The following ARID4B variants were observed in gnomAD, a reference collection of about 807,000 sequenced individuals.
ARID4B encodes the protein AT-rich interactive domain-containing protein 4B.
Under a neutral mutation model 147.5 loss-of-function variants are expected in ARID4B, and 26 were observed. That is an observed-to-expected ratio of 0.18 (90% CI 0.13 to 0.24). ARID4B has a LOEUF of 0.24. ARID4B is among the 10% of genes least tolerant of loss of function. ARID4B has a pLI of 1.00. For missense variants in ARID4B, 1,179 were observed against 1,511.5 expected, an observed-to-expected ratio of 0.78 and a Z score of 3.65; for synonymous variants, 512 against 507.9, an observed-to-expected ratio of 1.01 and a Z score of -0.11.
intron 2 of ARID4B, among the ~76,000 whole-genome samples, chr1:235,309,838 C>A (rs1316329109): frequency 6.6e-6 from 1 of 152,212 alleles, no homozygotes; most frequent in Non-Finnish European, 1.5e-5. Flanking sequence ...AAGAAAAATT[C>A]TTCGGCCTTG....
chr1:235,264,150 A>C (rs1334998508), intron 2 of ARID4B, among the ~76,000 whole-genome samples: 1 of 152,214 alleles, frequency 6.6e-6, no homozygotes, highest in East Asian at 1.9e-4. Context: ...ATTATACATT[A>C]TCTCAGGTAA....
In ARID4B at chr1:235,259,290, G is replaced by GA. The variant is rs576082628; in HGVS notation, c.117+1351dup. Among the ~76,000 whole-genome samples the GA allele has an allele frequency of 1.1e-3, 168 of 152,358 alleles. 1 individual carries two copies. Among genetic ancestry groups the GA allele is most frequent in the Admixed American group, 8.8e-3 (135 of 15,304 alleles). ...AGGAAATGTGCAGCTAAGGATGCAA[G>GA]ATGGGGCTTAAATCCAGCCTTTGCT... On this transcript the variant is annotated intron_variant, in intron 3 of 23. Coordinates refer to ENST00000264183, the MANE Select transcript of ARID4B (RefSeq NM_016374.6).
intron 2 of ARID4B, among the ~76,000 whole-genome samples, chr1:235,300,676 C>T (rs771413381): frequency 3.8e-4 from 58 of 151,850 alleles, no homozygotes; most frequent in Non-Finnish European, 7.1e-4. Flanking sequence ...ATTAAAGATG[C>T]CTTGCAAGGA....
chr1:235,173,766 AAAAAAATATATATATAT>A (rs1418697812), intron 22 of ARID4B, among the ~76,000 whole-genome samples: 3 of 48,172 alleles, frequency 6.2e-5, no homozygotes, highest in African/African-American at 3.7e-4. Flanking sequence ...AAAAAAAAAA[AAAAAAATATATATATAT>A]ATATATATAT....
intron 15 of ARID4B, 81 bp downstream of exon 15, chr1:235,220,221 A>G: frequency 3.2e-6 from 4 of 1,247,910 alleles, no homozygotes; most frequent in South Asian, 1.7e-5. Context: ...ATATTATACA[A>G]TATATTGATT....
chr1:235,179,433 G>T (rs1395842343), intron 20 of ARID4B, among the ~76,000 whole-genome samples: 1 of 139,394 alleles, frequency 7.2e-6, no homozygotes, highest in African/African-American at 2.6e-5. Context: ...TGAGGCAGGA[G>T]AATCTCTTGA....
intron 10 of ARID4B, among the ~76,000 whole-genome samples, 170 bp downstream of exon 10, chr1:235,230,943 T>C (rs1393063809): frequency 1.3e-5 from 2 of 151,222 alleles, no homozygotes; most frequent in African/African-American, 4.9e-5. Context: ...AAAGGAAACT[T>C]ATAACACAGA....
intron 15 of ARID4B, 68 bp from the exon 16 acceptor site, chr1:235,220,036 T>C (rs3795250): frequency 0.34 from 362,839 of 1,058,138 alleles, 66,151 homozygotes; most frequent in South Asian, 0.53. Context: ...ATGGTTTATC[T>C]CTTAGCAACA....
At chr1:235,209,551 T>A (rs1296077449) in intron 17 of ARID4B, among the ~76,000 whole-genome samples, 1 of 140,470 alleles carries the variant, frequency 7.1e-6, no homozygotes, top group Admixed American at 6.9e-5. Context: ...AAAATTGATT[T>A]TTTTGTTTTT....
At chr1:235,169,673 T>G (rs1276412209) in intron 23 of ARID4B, among the ~76,000 whole-genome samples, 1 of 151,566 alleles carries the variant, frequency 6.6e-6, no homozygotes, top group Non-Finnish European at 1.5e-5. Context: ...TTTTTTTTTT[T>G]CCTTTGAGAT....
chr1:235,271,161 T>C (rs1411499853), intron 2 of ARID4B, among the ~76,000 whole-genome samples: 1 of 152,084 alleles, frequency 6.6e-6, no homozygotes, highest in Non-Finnish European at 1.5e-5. Context: ...GAGACGAGCC[T>C]GGGCAACATA....
intron 2 of ARID4B, among the ~76,000 whole-genome samples, chr1:235,319,580 A>G (rs1448104879): frequency 6.6e-6 from 1 of 152,246 alleles, no homozygotes; most frequent in Non-Finnish European, 1.5e-5. Context: ...AATTAAAAAA[A>G]CAAGTGAAAG....
rs201409470 is a variant in ARID4B at position 235,305,273 on chromosome 1, AAT to A, written c.6+21639_6+21640del. Among the ~76,000 whole-genome samples, 1,204 of 152,252 alleles carry A rather than the reference AAT, an allele frequency of 7.9e-3. 8 individuals carry two copies. Among genetic ancestry groups the A allele is most frequent in the Non-Finnish European group, 9.0e-3 (614 of 68,024 alleles). On this transcript the variant is annotated intron_variant, in intron 2 of 23. Coordinates refer to ENST00000264183, the MANE Select transcript of ARID4B (RefSeq NM_016374.6). ...AAGCTGGAAAAGAGGCAAGGAAACC[AAT>A]TCTCCCCTAGAGCCTGAAGAAGAAA...
intron 2 of ARID4B, among the ~76,000 whole-genome samples, chr1:235,310,992 C>A (rs1367961485): frequency 1.3e-5 from 2 of 152,120 alleles, no homozygotes; most frequent in African/African-American, 4.8e-5. Flanking sequence ...CCTGTCTAAT[C>A]AATGCTAACA....
intron 19 of ARID4B, among the ~76,000 whole-genome samples, 171 bp downstream of exon 19, chr1:235,193,842 C>T (rs1665292163): frequency 6.6e-6 from 1 of 152,114 alleles, no homozygotes; most frequent in African/African-American, 2.4e-5. Flanking sequence ...AAATCCAAAA[C>T]ATTTCTGGTT....
intron 23 of ARID4B, among the ~76,000 whole-genome samples, chr1:235,170,524 G>T (rs1368568689): frequency 1.3e-5 from 2 of 152,066 alleles, no homozygotes; most frequent in African/African-American, 2.4e-5. Flanking sequence ...GGATCACAAG[G>T]TCAGGAGATC....
chr1:235,182,748 C>G lies in ARID4B; in HGVS notation c.2171G>C (p.Gly724Ala). 6 of 1,606,680 alleles carry G rather than the reference C, an allele frequency of 3.7e-6. No homozygotes were observed. The highest frequency in any genetic ancestry group is 5.1e-6 in the Non-Finnish European group (6 of 1,176,932). The change falls in exon 20 of 24, where the codon GGT becomes GCT. Residue 724 changes from glycine (G) to alanine (A), a missense_variant. By Grantham distance (60) the Gly-to-Ala change is moderately conservative. Coordinates refer to ENST00000264183, the MANE Select transcript of ARID4B (RefSeq NM_016374.6). ...AEDSEQEDER[G>A]AQDMDNNGKE... ...GCCATTATTATCCATGTCTTGAGCA[C>G]CTCTCTCATCTTCCTGCTCACTGTC...
rs534272118 is a variant in ARID4B, at chr1:235,291,923, C to T, written c.7-31171G>A. ...CGGCAAACTTGTGTTTGCCTTTCTA[C>T]GTGTGGAAACAATACACAAAAACAA... On this transcript the variant is annotated intron_variant, in intron 2 of 23. Transcript: ENST00000264183. Among the ~76,000 whole-genome samples the T allele has an allele frequency of 3.3e-5, 5 of 152,044 alleles. No homozygotes were observed. In the South Asian group the frequency reaches 8.3e-4, roughly 25 times the overall value.
chr1:235,182,490 T>A lies in ARID4B; in HGVS notation c.2429A>T (p.Asp810Val). Residue 810 changes from aspartate to valine, a missense_variant, in exon 20 of 24, where the codon GAC (aspartate) becomes GTC (valine). Coordinates refer to ENST00000264183, the MANE Select transcript of ARID4B (RefSeq NM_016374.6). ...TGGTTTTGAAGATTTATCTGTTGTG[T>A]CCTTCTTGACATCCTTTCTCTTTTT... The part of the protein sequence containing the change: ...VTKKRKDVKK[D>V]TTDKSSKPQI... The A allele has an allele frequency of 6.2e-7, 1 of 1,613,694 alleles. No individual in the cohort carries two copies.
Sources: allele counts gnomAD v4.1 joint callset (sites outside exome capture counted in the v4.1 genomes callset), GRCh38; gene constraint gnomAD v4.1.1; transcripts MANE v1.5; gene names NCBI Gene and HGNC (gene_info 2026-07-23, HGNC 2026-07-21).